Variants in RSRC1 observed in about 807,000 individuals in gnomAD.
RSRC1 encodes arginine and serine rich coiled-coil 1.
A neutral mutation model predicts 49.1 loss-of-function variants in RSRC1; 39 were observed. That is an observed-to-expected ratio of 0.79 (90% CI 0.61 to 1.04). RSRC1 has a LOEUF of 1.04. Ranked by LOEUF, RSRC1 falls within the 50% of genes least tolerant of loss-of-function variation. The pLI, the probability that RSRC1 is intolerant of heterozygous loss-of-function variation, is 0.00. For missense variants in RSRC1, 388 were observed against 402.4 expected, an observed-to-expected ratio of 0.96 and a Z score of 0.31; for synonymous variants, 143 against 130.8, an observed-to-expected ratio of 1.09 and a Z score of -0.63.
chr3:158,400,361 G>A (rs1043630311), intron 6 of RSRC1, among the ~76,000 whole-genome samples: 1 of 151,970 alleles, frequency 6.6e-6, no homozygotes, highest in Admixed American at 6.6e-5. Flanking sequence ...AATGTTACTG[G>A]TTTATGTATT....
chr3:158,135,847 G>A (rs1384174272), intron 3 of RSRC1, among the ~76,000 whole-genome samples: 2 of 151,696 alleles, frequency 1.3e-5, no homozygotes, highest in Non-Finnish European at 2.9e-5. Flanking sequence ...CCTTGAACAT[G>A]TGGTGGTTGC....
chr3:158,519,145 G>A (rs546862523), intron 7 of RSRC1, among the ~76,000 whole-genome samples: 48 of 152,132 alleles, frequency 3.2e-4, no homozygotes, highest in African/African-American at 1.1e-3. Context: ...CAGAAAGTTG[G>A]AAATCAGCCT....
At chr3:158,276,009 G>T in intron 4 of RSRC1, 1 of 820,876 alleles carries the variant, frequency 1.2e-6, no homozygotes, top group Non-Finnish European at 2.1e-6. Flanking sequence ...TAGTATTATG[G>T]AATGGATTAA....
chr3:158,346,120 C>G (rs568502302), intron 5 of RSRC1, among the ~76,000 whole-genome samples: 1 of 152,152 alleles, frequency 6.6e-6, no homozygotes, highest in South Asian at 2.1e-4. Flanking sequence ...GTAAAGATTT[C>G]TTAAATACAC....
intron 7 of RSRC1, among the ~76,000 whole-genome samples, chr3:158,499,822 T>C (rs1441198648): frequency 6.6e-6 from 1 of 152,204 alleles, no homozygotes; most frequent in Non-Finnish European, 1.5e-5. Context: ...GGTGACAGTT[T>C]GACTCCCTCT....
chr3:158,149,492 T>C (rs1717387034), intron 3 of RSRC1, among the ~76,000 whole-genome samples: 1 of 152,188 alleles, frequency 6.6e-6, no homozygotes, highest in African/African-American at 2.4e-5. Flanking sequence ...ATGGCATGCT[T>C]GTTGCAGATG....
intron 5 of RSRC1, among the ~76,000 whole-genome samples, chr3:158,319,945 A>T (rs1293609889): frequency 1.3e-5 from 2 of 152,194 alleles, no homozygotes; most frequent in African/African-American, 4.8e-5. Flanking sequence ...TTACAAGTTT[A>T]TAGTTTCAAA....
At chr3:158,543,132 A>G (rs990917487) in intron 8 of RSRC1, among the ~76,000 whole-genome samples, 4 of 152,132 alleles carry the variant, frequency 2.6e-5, no homozygotes, top group African/African-American at 9.6e-5. Flanking sequence ...ATTCCTAAAT[A>G]TAGTTATTCC....
At chr3:158,424,586 G>A (rs1424900281) in intron 6 of RSRC1, among the ~76,000 whole-genome samples, 137 of 150,944 alleles carry the variant, frequency 9.1e-4, no homozygotes, top group African/African-American at 3.3e-3. Context: ...GGATGATGCT[G>A]GCCTCATAAA....
intron 8 of RSRC1, among the ~76,000 whole-genome samples, chr3:158,540,684 C>G (rs1391233042): frequency 2.0e-5 from 3 of 152,154 alleles, no homozygotes; most frequent in Admixed American, 2.0e-4. Context: ...TCATCTCATT[C>G]TTTAACTTTT....
At chr3:158,424,876 T>G (rs1429762234) in intron 6 of RSRC1, among the ~76,000 whole-genome samples, 1 of 152,078 alleles carries the variant, frequency 6.6e-6, no homozygotes, top group Non-Finnish European at 1.5e-5. Context: ...TAGACGTGTT[T>G]GTAGTATTCT....
chr3:158,274,608 A>C (rs1725703917), intron 4 of RSRC1, among the ~76,000 whole-genome samples: 1 of 152,184 alleles, frequency 6.6e-6, no homozygotes. Flanking sequence ...TTAAGTCAGC[A>C]AAGTCAGAAT....
chr3:158,288,301 C>A (rs1402434629), intron 4 of RSRC1, among the ~76,000 whole-genome samples: 1 of 152,118 alleles, frequency 6.6e-6, no homozygotes. Context: ...CTTTTCCAAC[C>A]ACTCTAACAC....
At chr3:158,399,128 T>TAAAGAAAGGAGAACTGAGGCA (rs1578428131) in intron 6 of RSRC1, among the ~76,000 whole-genome samples, 3 of 51,474 alleles carry the variant, frequency 5.8e-5, no homozygotes, top group Non-Finnish European at 8.2e-5. Flanking sequence ...ATTTCCTTTT[T>TAAAGAAAGGAGAACTGAGGCA]TTTTTTTTTT....
At chr3:158,131,152 A>T (rs1391995069) in intron 3 of RSRC1, among the ~76,000 whole-genome samples, 5 of 151,370 alleles carry the variant, frequency 3.3e-5, no homozygotes, top group Non-Finnish European at 5.9e-5. Context: ...TTATATATAT[A>T]TTTTTATTAT....
chr3:158,261,888 A>G (rs1227113768), intron 4 of RSRC1, among the ~76,000 whole-genome samples: 4 of 152,320 alleles, frequency 2.6e-5, no homozygotes, highest in South Asian at 2.1e-4. Flanking sequence ...ATATATGACA[A>G]TGTAATAGTA....
chr3:158,228,694 G>A (rs1044590186), intron 4 of RSRC1, among the ~76,000 whole-genome samples: 1 of 151,214 alleles, frequency 6.6e-6, no homozygotes, highest in Non-Finnish European at 1.5e-5. Context: ...TGCTGATAAC[G>A]ATTTTATAAA....
chr3:158,473,700 A>G (rs1283265624), intron 7 of RSRC1, among the ~76,000 whole-genome samples: 1 of 152,118 alleles, frequency 6.6e-6, no homozygotes, highest in African/African-American at 2.4e-5. Context: ...TTTTTCACCT[A>G]TGATTATATT....
In RSRC1 at chr3:158,545,619, T is replaced by C. The variant is rs535526524; in HGVS notation, c.*1344T>C. 4.6e-5 allele frequency: 7 copies of C among 152,290 alleles called. No individual in the cohort carries two copies. The East Asian group carries it at 1.2e-3, about 25-fold the overall frequency. The allele number at this position is 152,290 out of a possible 1,614,324, so 9.4% of individuals were successfully genotyped here. A position where few individuals can be genotyped will look rare whatever the true frequency, so the allele number is the denominator to read the frequency against. ...ATGTAAAACTTAGTTGCAAACAGTA[T>C]AGAAAATAAGTGATGATGAAATATT... On this transcript the variant is annotated 3_prime_UTR_variant, in exon 10 of 10. Transcript: ENST00000611884.
Sources: gnomAD v4.1 joint callset for allele counts (sites outside exome capture counted in the v4.1 genomes callset) on GRCh38, gnomAD v4.1.1 for gene constraint, MANE v1.5 for transcripts, NCBI Gene and HGNC (gene_info 2026-07-23, HGNC 2026-07-21) for gene names.